The following NAV3 variants were observed in gnomAD, a reference collection of about 807,000 sequenced individuals.
The protein encoded by NAV3 is pore membrane and/or filament interacting like protein 1.
A neutral mutation model predicts 244.7 loss-of-function variants in NAV3; 87 were observed. The observed-to-expected ratio is 0.36, with a 90% CI of 0.30 to 0.42. NAV3 has a LOEUF of 0.42. Ranked by LOEUF, NAV3 falls within the 20% of genes least tolerant of loss-of-function variation. The pLI is 1.00. For synonymous variants in NAV3, 1,126 were observed against 1,042.2 expected (o/e 1.08, Z -1.55); for missense variants, 2,663 against 2,893.3 (o/e 0.92, Z 1.83).
At chr12:78,176,672 G>A (rs1252887766) in intron 26 of NAV3, among the ~76,000 whole-genome samples, 1 of 152,088 alleles carries the variant, frequency 6.6e-6, no homozygotes. Context: ...TTCTGGTTTT[G>A]AGTAGTCTGG....
At chr12:78,178,643 T>C (rs1391810617) in intron 28 of NAV3, among the ~76,000 whole-genome samples, 2 of 152,120 alleles carry the variant, frequency 1.3e-5, no homozygotes, top group Admixed American at 1.3e-4. Flanking sequence ...CTAATTTCCT[T>C]GTATGCCCAT....
chr12:77,622,448 C>T (rs899890214), intron 2 of NAV3, among the ~76,000 whole-genome samples: 5 of 151,702 alleles, frequency 3.3e-5, no homozygotes, highest in Admixed American at 2.6e-4. Context: ...CTTGAGACAC[C>T]GCACCCGGCC....
At chr12:77,577,347 A>G (rs978644405) in intron 2 of NAV3, among the ~76,000 whole-genome samples, 2 of 152,152 alleles carry the variant, frequency 1.3e-5, no homozygotes, top group African/African-American at 4.8e-5. Flanking sequence ...ACTTGGATAG[A>G]ACCTCCTTTC....
chr12:77,700,130 GT>G (rs1466202729), intron 2 of NAV3, among the ~76,000 whole-genome samples: 1 of 152,072 alleles, frequency 6.6e-6, no homozygotes, highest in Admixed American at 6.6e-5. Flanking sequence ...TAACTCCTAT[GT>G]TATAGCTAAT....
At chr12:78,002,070 T>C (rs1202835634) in intron 7 of NAV3, among the ~76,000 whole-genome samples, 2 of 152,232 alleles carry the variant, frequency 1.3e-5, no homozygotes, top group Non-Finnish European at 2.9e-5. Flanking sequence ...TTTGGACATA[T>C]ACTTTGCATG....
chr12:77,714,132 T>G (rs1314650674), intron 2 of NAV3, among the ~76,000 whole-genome samples: 1 of 152,120 alleles, frequency 6.6e-6, no homozygotes, highest in Non-Finnish European at 1.5e-5. Flanking sequence ...GTAAATAAAT[T>G]AATGTTATAG....
At chr12:77,960,636 C>A (rs1325719834) in intron 3 of NAV3, among the ~76,000 whole-genome samples, 1 of 147,370 alleles carries the variant, frequency 6.8e-6, no homozygotes, top group Non-Finnish European at 1.5e-5. Context: ...TATACTTTAA[C>A]AATGTTTATA....
At chr12:77,762,313 G>A (rs2135842412) in intron 2 of NAV3, among the ~76,000 whole-genome samples, 1 of 152,172 alleles carries the variant, frequency 6.6e-6, no homozygotes, top group South Asian at 2.1e-4. Context: ...AGCATTAGGA[G>A]AAATACCTAA....
chr12:77,619,008 G>A (rs1871252287), intron 2 of NAV3, among the ~76,000 whole-genome samples: 1 of 152,156 alleles, frequency 6.6e-6, no homozygotes, highest in South Asian at 2.1e-4. Context: ...TGCCTTAGGA[G>A]ATTTGCTTCC....
chr12:77,721,960 G>A (rs1876656384), intron 2 of NAV3, among the ~76,000 whole-genome samples: 1 of 152,056 alleles, frequency 6.6e-6, no homozygotes, highest in South Asian at 2.1e-4. Flanking sequence ...GTTTTTGTCA[G>A]AAGGAAATTC....
At chr12:78,190,857 C>A in intron 34 of NAV3, among the ~76,000 whole-genome samples, 1 of 152,112 alleles carries the variant, frequency 6.6e-6, no homozygotes, top group East Asian at 1.9e-4. Context: ...GTAGCCTGTA[C>A]TTTCTTATTT....
chr12:78,159,418 C>A, intron 23 of NAV3, 132 bp downstream of exon 23: 1 of 745,712 alleles, frequency 1.3e-6, no homozygotes, highest in Non-Finnish European at 2.1e-6. Context: ...AATCTCACCA[C>A]TTTGGGAGAC....
intron 12 of NAV3, among the ~76,000 whole-genome samples, chr12:78,104,555 C>CTCGAT (rs1344809774): frequency 6.6e-6 from 1 of 152,078 alleles, no homozygotes; most frequent in Non-Finnish European, 1.5e-5. Flanking sequence ...AGTTACTGAA[C>CTCGAT]GTTAAAAATC....
intron 13 of NAV3, among the ~76,000 whole-genome samples, chr12:78,117,682 T>A (rs548009119): frequency 1.3e-5 from 2 of 151,952 alleles, no homozygotes; most frequent in South Asian, 4.1e-4. Context: ...TTATATGATC[T>A]CTGAAATATA....
intron 1 of NAV3, among the ~76,000 whole-genome samples, chr12:77,920,001 T>G (rs1887549088): frequency 6.6e-6 from 1 of 152,014 alleles, no homozygotes; most frequent in Non-Finnish European, 1.5e-5. Context: ...GGCAGGTTTA[T>G]AACTTACCAC....
intron 2 of NAV3, among the ~76,000 whole-genome samples, chr12:77,598,482 A>T (rs919007713): frequency 3.3e-5 from 5 of 152,042 alleles, no homozygotes; most frequent in Admixed American, 6.6e-5. Context: ...GTACATTCAT[A>T]CATTTGAAGC....
intron 2 of NAV3, among the ~76,000 whole-genome samples, chr12:77,662,092 G>T (rs1291110448): frequency 6.6e-6 from 1 of 151,716 alleles, no homozygotes; most frequent in Non-Finnish European, 1.5e-5. Context: ...ATTTTTGCTG[G>T]GATTTTGACA....
chr12:77,814,506 C>A (rs1218437289), intron 2 of NAV3, among the ~76,000 whole-genome samples: 1 of 151,934 alleles, frequency 6.6e-6, no homozygotes, highest in Non-Finnish European at 1.5e-5. Flanking sequence ...AGGTTGAATT[C>A]AAAGGGAATG....
chr12:77,728,909 C>T (rs1036516976), intron 2 of NAV3, among the ~76,000 whole-genome samples: 2 of 151,854 alleles, frequency 1.3e-5, no homozygotes, highest in African/African-American at 4.8e-5. Flanking sequence ...CCCTACTCAT[C>T]CTCCTCCTCA....
Sources: gnomAD v4.1 joint callset for allele counts (sites outside exome capture counted in the v4.1 genomes callset) on GRCh38, gnomAD v4.1.1 for gene constraint, MANE v1.5 for transcripts, NCBI Gene and HGNC (gene_info 2026-07-23, HGNC 2026-07-21) for gene names.